Variants in RASGRF2 observed in about 807,000 individuals in gnomAD.
The protein encoded by RASGRF2 is ras-specific guanine nucleotide-releasing factor 2.
Under a neutral mutation model 151.0 loss-of-function variants are expected in RASGRF2, and 76 were observed. The observed-to-expected ratio is 0.50, with a 90% CI of 0.42 to 0.61. The LOEUF (loss-of-function observed/expected upper bound fraction) is 0.61, where lower values mean the gene tolerates loss of function less well. Ranked by LOEUF, RASGRF2 falls within the 20% of genes least tolerant of loss-of-function variation. The probability of loss-of-function intolerance (pLI) is 0.00; values close to 1 mark genes in which losing one functional copy is unlikely to be tolerated. For synonymous variants in RASGRF2, 504 were observed against 566.5 expected (o/e 0.89, Z 1.57); for missense variants, 1,148 against 1,564.6 (o/e 0.73, Z 4.49).
chr5:81,166,574 T>G (rs923695973), intron 17 of RASGRF2, among the ~76,000 whole-genome samples: 4 of 152,092 alleles, frequency 2.6e-5, no homozygotes, highest in Non-Finnish European at 5.9e-5. Flanking sequence ...ACACAGCCTC[T>G]ATTGTCACAT....
intron 1 of RASGRF2, among the ~76,000 whole-genome samples, chr5:80,976,764 A>G (rs1359171109): frequency 6.6e-6 from 1 of 152,174 alleles, no homozygotes; most frequent in Non-Finnish European, 1.5e-5. Context: ...CCTATGGTAC[A>G]GCTCTTGACT....
intron 17 of RASGRF2, among the ~76,000 whole-genome samples, chr5:81,160,290 G>A (rs1305519592): frequency 6.6e-6 from 1 of 152,044 alleles, no homozygotes; most frequent in Non-Finnish European, 1.5e-5. Flanking sequence ...GCATGGTGGC[G>A]CACGCCTGTA....
intron 7 of RASGRF2, among the ~76,000 whole-genome samples, chr5:81,084,180 C>T (rs1239456830): frequency 6.6e-6 from 1 of 152,166 alleles, no homozygotes; most frequent in Non-Finnish European, 1.5e-5. Flanking sequence ...AGAGTATTGA[C>T]CAAACTCAGT....
intron 1 of RASGRF2, among the ~76,000 whole-genome samples, chr5:81,035,305 C>A (rs1750444740): frequency 2.0e-5 from 3 of 152,106 alleles, no homozygotes; most frequent in African/African-American, 7.2e-5. Context: ...AGTTCATGTC[C>A]TTTGCAGGGA....
At chr5:81,167,570 G>A (rs1182495105) in intron 17 of RASGRF2, among the ~76,000 whole-genome samples, 2 of 152,202 alleles carry the variant, frequency 1.3e-5, no homozygotes, top group African/African-American at 4.8e-5. Context: ...TGATAGTGGT[G>A]TTCTCCTCGC....
At chr5:81,199,274 A>G (rs1755335180) in intron 18 of RASGRF2, among the ~76,000 whole-genome samples, 1 of 152,204 alleles carries the variant, frequency 6.6e-6, no homozygotes, top group South Asian at 2.1e-4. Flanking sequence ...TGTTTATGAC[A>G]CTGACATTTC....
At chr5:81,216,348 TACACACACAC>T (rs10648156) in intron 24 of RASGRF2, among the ~76,000 whole-genome samples, 5 of 147,524 alleles carry the variant, frequency 3.4e-5, no homozygotes, top group African/African-American at 1.3e-4. Flanking sequence ...ATTCCCTTTC[TACACACACAC>T]ACACACACAC....
In RASGRF2 at chr5:81,184,535, G is replaced by T. The variant is rs1328728492; in HGVS notation, c.2793+4254G>T. On this transcript the variant is annotated intron_variant, in intron 18 of 26. Coordinates refer to ENST00000265080, the MANE Select transcript of RASGRF2 (RefSeq NM_006909.3). ...TTATTCGAGGAATTTCACAGACCAT[G>T]AATGACGCTGGTAAAAGGGCTGCAG... 4.6e-5 allele frequency among the ~76,000 whole-genome samples: 7 copies of T among 152,322 alleles called. No individual in the cohort carries two copies. In the East Asian group the frequency reaches 1.4e-3, roughly 29 times the overall value.
chr5:81,169,767 A>G (rs568948649), intron 17 of RASGRF2, among the ~76,000 whole-genome samples: 1 of 151,904 alleles, frequency 6.6e-6, no homozygotes, highest in Non-Finnish European at 1.5e-5. Context: ...GATTCTTACC[A>G]TCTACAGCCA....
chr5:81,135,840 G>T (rs2112589529), intron 17 of RASGRF2, among the ~76,000 whole-genome samples: 1 of 152,304 alleles, frequency 6.6e-6, no homozygotes, highest in South Asian at 2.1e-4. Context: ...ATGTTTAACT[G>T]CTTAATAAAC....
At chr5:81,117,928 T>G (rs1172577213) in intron 15 of RASGRF2, among the ~76,000 whole-genome samples, 2 of 152,192 alleles carry the variant, frequency 1.3e-5, no homozygotes, top group African/African-American at 4.8e-5. Context: ...CTCTTAAGAC[T>G]CCAGAATAAT....
intron 18 of RASGRF2, among the ~76,000 whole-genome samples, chr5:81,189,551 T>C (rs1324419356): frequency 1.3e-5 from 2 of 150,996 alleles, no homozygotes; most frequent in Non-Finnish European, 3.0e-5. Flanking sequence ...GGGGCAGTGG[T>C]GCGATCGTAG....
At chr5:81,203,327 T>G (rs1215875373) in intron 19 of RASGRF2, among the ~76,000 whole-genome samples, 1 of 152,182 alleles carries the variant, frequency 6.6e-6, no homozygotes, top group Non-Finnish European at 1.5e-5. Context: ...ACTGTCAGGA[T>G]CAACCAGTAT....
Position 80,999,841 on chromosome 5 carries a change from G to A in RASGRF2, c.288+38815G>A, listed in dbSNP as rs74526868. On this transcript the variant is annotated intron_variant, in intron 1 of 26. Transcript: ENST00000265080. ...CTGCTTAAGCTTTGTGCCCTGAGGTGGGAAAAGCAGAGAGGAGTTGGTTTC... is the reference window on the plus strand; with the variant it reads ...CTGCTTAAGCTTTGTGCCCTGAGGTAGGAAAAGCAGAGAGGAGTTGGTTTC... Among the ~76,000 whole-genome samples, 15 of 152,256 alleles carry A rather than the reference G, an allele frequency of 9.9e-5. No homozygotes were observed. The East Asian group carries it at 2.9e-3, about 29-fold the overall frequency.
chr5:81,207,805 G>A (rs902223511), intron 21 of RASGRF2, among the ~76,000 whole-genome samples: 31 of 152,288 alleles, frequency 2.0e-4, no homozygotes, highest in Non-Finnish European at 3.1e-4. Context: ...TAAAAGGAGC[G>A]CTTTTCAGCC....
intron 1 of RASGRF2, among the ~76,000 whole-genome samples, chr5:80,980,217 C>T (rs1169388981): frequency 6.6e-6 from 1 of 152,208 alleles, no homozygotes; most frequent in Non-Finnish European, 1.5e-5. Context: ...GGCTGTCTTG[C>T]CTCCTCGGAC....
chr5:81,035,248 G>C (rs550275601), intron 1 of RASGRF2, among the ~76,000 whole-genome samples: 1 of 152,258 alleles, frequency 6.6e-6, no homozygotes, highest in Non-Finnish European at 1.5e-5. Flanking sequence ...TTAAGAAAAT[G>C]TGGCACATAT....
rs976715344 is a variant in RASGRF2, at chr5:80,960,478, G to A, written c.-261G>A. Among the ~76,000 whole-genome samples the A allele has an allele frequency of 1.3e-5, 2 of 150,828 alleles. No homozygotes were observed. Among genetic ancestry groups the A allele is most frequent in the Non-Finnish European group, 3.0e-5 (2 of 67,600 alleles). ...GGGCCGCGCTCCACGCGGGCGTTGG[G>A]GGCTTGGGGGGCTCCGGGGGCTCGG... On this transcript the variant is annotated 5_prime_UTR_variant, in exon 1 of 27. Transcript: ENST00000265080. The surrounding 1 kb of genome is among the most constrained non-coding windows in gnomAD (Gnocchi z 5.5).
chr5:81,155,558 T>C (rs1754240673), intron 17 of RASGRF2, among the ~76,000 whole-genome samples: 1 of 151,966 alleles, frequency 6.6e-6, no homozygotes, highest in South Asian at 2.1e-4. Context: ...TATAAGGAAA[T>C]ATTATGAACA....
Sources: allele counts gnomAD v4.1 joint callset (sites outside exome capture counted in the v4.1 genomes callset), GRCh38; gene constraint gnomAD v4.1.1; non-coding constraint Gnocchi (gnomAD v3.1); transcripts MANE v1.5; gene names NCBI Gene and HGNC (gene_info 2026-07-23, HGNC 2026-07-21).